RMST: variants seen among roughly 807,000 people sequenced by gnomAD.
The protein encoded by RMST is long intergenic non-protein coding RNA 54.
intron 5 of RMST, among the ~76,000 whole-genome samples, chr12:97,480,497 A>T (rs1470704915): frequency 6.6e-6 from 1 of 152,178 alleles, no homozygotes; most frequent in African/African-American, 2.4e-5. Flanking sequence ...TGCACCATAC[A>T]AATGACCTTT....
chr12:97,554,430 T>C (rs1469807307), intron 11 of RMST, among the ~76,000 whole-genome samples: 4 of 152,100 alleles, frequency 2.6e-5, no homozygotes, highest in Non-Finnish European at 4.4e-5. Context: ...TTTCTGCCAA[T>C]AAAACAGGGC....
intron 5 of RMST, among the ~76,000 whole-genome samples, chr12:97,477,111 G>A (rs373895049): frequency 2.0e-5 from 3 of 152,094 alleles, no homozygotes; most frequent in South Asian, 4.1e-4. Flanking sequence ...ATGAGGGTAC[G>A]GAGGTGACTT....
intron 10 of RMST, among the ~76,000 whole-genome samples, chr12:97,527,760 A>G (rs1227763607): frequency 6.6e-6 from 1 of 152,014 alleles, no homozygotes; most frequent in Non-Finnish European, 1.5e-5. Context: ...TTTTATTATT[A>G]TTGCTGTTAC....
chr12:97,546,995 TTTC>T (rs1882983080), intron 11 of RMST, among the ~76,000 whole-genome samples: 1 of 151,926 alleles, frequency 6.6e-6, no homozygotes, highest in African/African-American at 2.4e-5. Context: ...TTTCTCTATC[TTTC>T]TATGAGTTAA....
chr12:97,494,212 A>G (rs993684823), intron 8 of RMST, among the ~76,000 whole-genome samples: 1 of 152,196 alleles, frequency 6.6e-6, no homozygotes. Context: ...CTATAATATT[A>G]TCTTCTTCAT....
In RMST at chr12:97,544,463, C is replaced by G. The variant is rs188893699; in HGVS notation, n.1545+13604C>G. Among the ~76,000 whole-genome samples, 295 of 152,060 alleles carry G rather than the reference C, an allele frequency of 1.9e-3. 1 individual carries two copies. Among genetic ancestry groups the G allele is most frequent in the Middle Eastern group, 6.8e-3 (2 of 294 alleles). On this transcript the variant is annotated intron_variant and non_coding_transcript_variant, in intron 11 of 13. Transcript: ENST00000640149. ...CCTTAAAAACTGGTGAAAATCAACT[C>G]TAGACACATAGGTAATCAGAGAGTG... is the stretch of plus-strand genomic sequence containing the variant.
At chr12:97,525,709 G>T in intron 10 of RMST, among the ~76,000 whole-genome samples, 1 of 152,102 alleles carries the variant, frequency 6.6e-6, no homozygotes, top group South Asian at 2.1e-4. Context: ...CAAAAGCCTT[G>T]TTAAACAAAA....
intron 13 of RMST, among the ~76,000 whole-genome samples, chr12:97,561,814 T>C (rs1010935504): frequency 6.6e-6 from 1 of 151,998 alleles, no homozygotes; most frequent in Non-Finnish European, 1.5e-5. Flanking sequence ...TTTCAAAAGC[T>C]TCACTCCTCA....
Position 97,531,904 on chromosome 12 carries a change from A to G in RMST, n.1545+1045A>G, listed in dbSNP as rs562254644. Among the ~76,000 whole-genome samples the G allele has an allele frequency of 2.6e-5, 4 of 151,966 alleles. No homozygotes were observed. The South Asian group carries it at 8.3e-4, about 31-fold the overall frequency. The stretch of plus-strand genomic sequence containing the variant: ...ATATCTATTTTAATAAGCTCATTTA[A>G]GCTTTCTCATGGTTTTATTTCTAAT... On this transcript the variant is annotated intron_variant and non_coding_transcript_variant, in intron 11 of 13. Coordinates refer to ENST00000640149, the Ensembl canonical transcript of RMST.
chr12:97,504,560 C>G (rs1592695771), intron 10 of RMST, among the ~76,000 whole-genome samples: 1 of 152,142 alleles, frequency 6.6e-6, no homozygotes, highest in Non-Finnish European at 1.5e-5. Flanking sequence ...GCATTATTAG[C>G]TCAATGATCT....
chr12:97,517,064 T>G (rs1880009986), intron 10 of RMST, among the ~76,000 whole-genome samples: 1 of 152,012 alleles, frequency 6.6e-6, no homozygotes, highest in Admixed American at 6.6e-5. Context: ...TTTCAGACTC[T>G]ACTCTTTAAA....
chr12:97,488,974 G>T (rs1468880898), intron 5 of RMST, among the ~76,000 whole-genome samples: 1 of 152,072 alleles, frequency 6.6e-6, no homozygotes, highest in East Asian at 1.9e-4. Flanking sequence ...CATAAAAAAT[G>T]GACAAGCTGA....
At chr12:97,514,437 T>C (rs1052823800) in intron 10 of RMST, among the ~76,000 whole-genome samples, 1 of 152,228 alleles carries the variant, frequency 6.6e-6, no homozygotes, top group Non-Finnish European at 1.5e-5. Flanking sequence ...AAAATAGTGA[T>C]TGGAGATTTG....
chr12:97,556,448 C>T (rs898760024), intron 11 of RMST, among the ~76,000 whole-genome samples: 20 of 152,310 alleles, frequency 1.3e-4, no homozygotes, highest in Middle Eastern at 3.4e-3. Context: ...GGACACATTT[C>T]TTAACCTCAT....
At chr12:97,511,150 CTTTT>C (rs200176181) in intron 10 of RMST, among the ~76,000 whole-genome samples, 3 of 139,868 alleles carry the variant, frequency 2.1e-5, no homozygotes, top group African/African-American at 5.2e-5. Flanking sequence ...GTACTTCCTT[CTTTT>C]TTTTTTTTTT....
At chr12:97,514,493 G>T (rs1879731147) in intron 10 of RMST, among the ~76,000 whole-genome samples, 1 of 152,210 alleles carries the variant, frequency 6.6e-6, no homozygotes, top group Non-Finnish European at 1.5e-5. Context: ...AAAATGACAG[G>T]TTATTCTAAT....
At chr12:97,482,551 T>C (rs11109060) in intron 5 of RMST, among the ~76,000 whole-genome samples, 18,340 of 150,862 alleles carry the variant, frequency 0.12, 1,415 homozygotes, top group Non-Finnish European at 0.17. Context: ...CAAAGAAAAA[T>C]GCAGGAATTT....
intron 10 of RMST, among the ~76,000 whole-genome samples, chr12:97,500,992 C>A (rs1878018800): frequency 6.6e-6 from 1 of 152,204 alleles, no homozygotes; most frequent in Non-Finnish European, 1.5e-5. Flanking sequence ...TACTCTGCCA[C>A]TTTGCTATAG....
chr12:97,544,753 T>TGGA (rs1882810218), intron 11 of RMST, among the ~76,000 whole-genome samples: 1 of 152,108 alleles, frequency 6.6e-6, no homozygotes, highest in African/African-American at 2.4e-5. Flanking sequence ...GTATCTCTTT[T>TGGA]TCTCCTGAAT....
Sources: gnomAD v4.1 joint callset for allele counts (sites outside exome capture counted in the v4.1 genomes callset) on GRCh38, gnomAD v4.1.1 for gene constraint, MANE v1.5 for transcripts, NCBI Gene and HGNC (gene_info 2026-07-23, HGNC 2026-07-21) for gene names.